ODR4: variants seen among roughly 807,000 people sequenced by gnomAD.
ODR4 encodes odr-4 GPCR localization factor homolog, also known as protein odr-4 homolog.
A neutral mutation model predicts 60.2 loss-of-function variants in ODR4; 47 were observed. That is an observed-to-expected ratio of 0.78 (90% CI 0.62 to 1.00). ODR4 has a LOEUF of 1.00. Among genes scored for constraint, ODR4 ranks in the 50% least tolerant of loss-of-function variants. The pLI is 0.00. For missense variants in ODR4, 488 were observed against 530.8 expected (o/e 0.92, Z 0.79); for synonymous variants, 178 against 175.5 (o/e 1.01, Z -0.11).
chr1:186,424,765 A>G (rs1243948049), downstream of ODR4, among the ~76,000 whole-genome samples: 1 of 151,958 alleles, frequency 6.6e-6, no homozygotes, highest in Non-Finnish European at 1.5e-5. Flanking sequence ...TGGCTTCTCC[A>G]TGGGACTTGG....
intron 2 of ODR4, among the ~76,000 whole-genome samples, chr1:186,380,406 GA>G (rs1461565325): frequency 6.6e-6 from 1 of 151,994 alleles, no homozygotes; most frequent in Non-Finnish European, 1.5e-5. Context: ...GAGGGATTGG[GA>G]AAAATTTGGA....
chr1:186,379,214 G>A (rs1375656209), intron 1 of ODR4, among the ~76,000 whole-genome samples: 1 of 151,694 alleles, frequency 6.6e-6, no homozygotes, highest in African/African-American at 2.4e-5. Context: ...AGGCCGAGGC[G>A]GGCGGATCAC....
chr1:186,427,428 ATTCATTCAAGTTTTATCATGATAT>A, the ODR4 span, among the ~76,000 whole-genome samples: 1 of 152,196 alleles, frequency 6.6e-6, no homozygotes, highest in Admixed American at 6.5e-5. Flanking sequence ...ACAACTCCTC[ATTCATTCAAGTTTTATCATGATAT>A]CGCACCAATT....
At chr1:186,407,207 A>G (rs1425749218) in intron 12 of ODR4, among the ~76,000 whole-genome samples, 1 of 152,134 alleles carries the variant, frequency 6.6e-6, no homozygotes, top group African/African-American at 2.4e-5. Flanking sequence ...AAGAAGAGCT[A>G]CTTTCTAATC....
Position 186,398,393 on chromosome 1 carries a change from C to A in ODR4, c.861C>A (p.Cys287Ter). ...TAAACCTTAAGGGTGCTGTGAAATG[C>A]AGAGCTTATATCCACAGCAGTAAAC... ...GSVNLKGAVK[C>*]RAYIHSSKPK... is the part of the protein sequence containing the mutation. Residue 287 changes from cysteine (C) to a stop codon, truncating the protein, a stop_gained, in exon 10 of 14, where the codon TGC becomes TGA. Transcript: ENST00000287859. LOFTEE classifies it high-confidence loss of function. 1.9e-6 allele frequency: 3 copies of A among 1,610,586 alleles called. No individual in the cohort carries two copies. Among genetic ancestry groups the A allele is most frequent in the Non-Finnish European group, 2.5e-6 (3 of 1,177,968 alleles).
In ODR4 at chr1:186,420,303, G is replaced by T. The variant is rs1475383826; in HGVS notation, c.*1227G>T. ...CATCGGAATCTGAGATGCTGCCCTA[G>T]AGAGGACAGTTAAAGAAGGTTCAGT... On this transcript the variant is annotated 3_prime_UTR_variant, in exon 14 of 14. Transcript: ENST00000287859. 5 of 152,182 alleles carry T rather than the reference G, an allele frequency of 3.3e-5. No individual in the cohort carries two copies. Among genetic ancestry groups the T allele is most frequent in the African/African-American group, 1.2e-4 (5 of 41,442 alleles). 9.4% of individuals were successfully genotyped at this position (152,182 alleles called of 1,614,324 possible). A position where few individuals can be genotyped will look rare whatever the true frequency, so the allele number is the denominator to read the frequency against.
At chr1:186,422,928 C>T (rs759405597), downstream of ODR4, among the ~76,000 whole-genome samples, 4 of 151,950 alleles carry the variant, frequency 2.6e-5, no homozygotes, top group Non-Finnish European at 4.4e-5. Flanking sequence ...CAAGATGAAA[C>T]GGGACACAAA....
chr1:186,402,215 T>TTTCTTTCTTTCTTTCTTTCTTTCTTTC (rs1660998655), intron 11 of ODR4, among the ~76,000 whole-genome samples: 1 of 148,926 alleles, frequency 6.7e-6, no homozygotes, highest in Non-Finnish European at 1.5e-5. Flanking sequence ...TCTTTCTTTC[T>TTTCTTTCTTTCTTTCTTTCTTTCTTTC]TTCTTTCTTT....
chr1:186,396,930 C>A (rs1660704539), intron 9 of ODR4, among the ~76,000 whole-genome samples: 2 of 152,112 alleles, frequency 1.3e-5, no homozygotes, highest in South Asian at 4.1e-4. Context: ...GTTACTCCTC[C>A]TCCAACCCCA....
At chr1:186,377,150 C>T (rs1354778055) in intron 1 of ODR4, among the ~76,000 whole-genome samples, 1 of 152,026 alleles carries the variant, frequency 6.6e-6, no homozygotes, top group African/African-American at 2.4e-5. Flanking sequence ...ATACCTAATA[C>T]AATGTAAATG....
rs1659733144 is a variant in ODR4, at chr1:186,375,916, C to T, written c.-78C>T. 1 of 210,356 alleles carries T rather than the reference C, an allele frequency of 4.8e-6. No homozygotes were observed. Among genetic ancestry groups the T allele is most frequent in the African/African-American group, 2.3e-5 (1 of 44,314 alleles). 13.0% of individuals were successfully genotyped at this position (210,356 alleles called of 1,614,324 possible). On this transcript the variant is annotated 5_prime_UTR_variant, in exon 1 of 14. Transcript: ENST00000287859. ...TGGTACTTGGGCCCGAAACCCCCAT[C>T]TCCGGCGGAGAGACCGTCCGAGGTA...
chr1:186,418,647 C>T (rs1365955966), intron 13 of ODR4, among the ~76,000 whole-genome samples: 1 of 152,196 alleles, frequency 6.6e-6, no homozygotes, highest in African/African-American at 2.4e-5. Context: ...GAACTACTGC[C>T]TACTGGAGCT....
intron 12 of ODR4, among the ~76,000 whole-genome samples, chr1:186,417,049 G>A (rs761717774): frequency 2.0e-5 from 3 of 151,544 alleles, no homozygotes; most frequent in East Asian, 2.0e-4. Flanking sequence ...TGTAACCTCC[G>A]TCTCCCGGGT....
intron 4 of ODR4, among the ~76,000 whole-genome samples, chr1:186,386,988 CTT>C (rs1660276391): frequency 6.6e-6 from 1 of 152,110 alleles, no homozygotes; most frequent in African/African-American, 2.4e-5. Flanking sequence ...GTAGCCAGCT[CTT>C]TTAGCATTCA....
intron 12 of ODR4, chr1:186,411,695 T>A (rs1042333697): frequency 3.7e-4 from 61 of 164,372 alleles, no homozygotes; most frequent in African/African-American, 1.4e-3. Context: ...TTAATACATA[T>A]GTCTGATTTG....
At chr1:186,413,774 A>G (rs935750784) in intron 12 of ODR4, among the ~76,000 whole-genome samples, 1 of 152,226 alleles carries the variant, frequency 6.6e-6, no homozygotes, top group Non-Finnish European at 1.5e-5. Context: ...AATTAGGGAT[A>G]GGAAGAACAC....
At chr1:186,391,566 T>A (rs1307395252) in intron 7 of ODR4, 130 bp from the exon 8 acceptor site, 1 of 649,996 alleles carries the variant, frequency 1.5e-6, no homozygotes, top group African/African-American at 1.9e-5. Flanking sequence ...GAAACTAGAT[T>A]TAAATGCTGC....
At chr1:186,431,729 A>C in the ODR4 span, among the ~76,000 whole-genome samples, 1 of 152,184 alleles carries the variant, frequency 6.6e-6, no homozygotes, top group Non-Finnish European at 1.5e-5. Flanking sequence ...CTTAAAGAGA[A>C]AGTGTACCCT....
rs192929341 is a variant in ODR4, at chr1:186,399,145, A to G, written c.1000+101A>G. On this transcript the variant is annotated intron_variant, in intron 11 of 13. Coordinates refer to ENST00000287859, the MANE Select transcript of ODR4 (RefSeq NM_017847.6). ...CGTCATCTTTTATAGCTACCTATCT[A>G]TATTTTCAAGCAGTATATCATCTTT... 6.9e-5 allele frequency: 54 copies of G among 787,636 alleles called. No individual in the cohort carries two copies. The Admixed American group carries it at 7.8e-4, about 11-fold the overall frequency. 48.8% of individuals were successfully genotyped at this position (787,636 alleles called of 1,614,324 possible). A position where few individuals can be genotyped will look rare whatever the true frequency, so the allele number is the denominator to read the frequency against.
Sources: gnomAD v4.1 joint callset for allele counts (sites outside exome capture counted in the v4.1 genomes callset) on GRCh38, gnomAD v4.1.1 for gene constraint, MANE v1.5 for transcripts, NCBI Gene and HGNC (gene_info 2026-07-23, HGNC 2026-07-21) for gene names.